The following CDH13 variants were observed in gnomAD, a reference collection of about 807,000 sequenced individuals.
CDH13 encodes the protein cadherin 13.
A neutral mutation model predicts 63.8 loss-of-function variants in CDH13; 24 were observed. The ratio of observed to expected loss-of-function variants is 0.38; its 90% CI spans 0.27 to 0.53. The LOEUF is 0.53. Ranked by LOEUF, CDH13 falls within the 20% of genes least tolerant of loss-of-function variation. The probability of loss-of-function intolerance (pLI) is 0.85; values close to 1 mark genes in which losing one functional copy is unlikely to be tolerated. For missense variants in CDH13, 1,049 were observed against 903.1 expected, an observed-to-expected ratio of 1.16 and a Z score of -2.07; for synonymous variants, 503 against 355.3, an observed-to-expected ratio of 1.42 and a Z score of -4.67.
Position 82,629,490 on chromosome 16 carries a change from C to T in CDH13, c.45+2353C>T, listed in dbSNP as rs566295745. On this transcript the variant is annotated intron_variant, in intron 1 of 13. Coordinates refer to ENST00000567109, the MANE Select transcript of CDH13 (RefSeq NM_001257.5). ...CATAGAAAAAAGTGGGGAAAGTCTT[C>T]GAGGCCTTGAGTCGACGAGCAAAAA... is the stretch of plus-strand genomic sequence containing the variant. Among the ~76,000 whole-genome samples the T allele has an allele frequency of 1.5e-3, 231 of 152,198 alleles. 1 individual carries two copies. Among genetic ancestry groups the T allele is most frequent in the African/African-American group, 4.6e-3 (191 of 41,532 alleles).
intron 8 of CDH13, among the ~76,000 whole-genome samples, chr16:83,620,701 A>T (rs141758880): frequency 3.3e-4 from 50 of 152,294 alleles, no homozygotes; most frequent in Non-Finnish European, 6.3e-4. Flanking sequence ...CTCCACGTAG[A>T]TGAGGAAACT....
chr16:83,176,597 C>T (rs2038135205), intron 4 of CDH13, among the ~76,000 whole-genome samples: 1 of 150,920 alleles, frequency 6.6e-6, no homozygotes, highest in African/African-American at 2.4e-5. Context: ...GGGTCCAGTT[C>T]ATCCCCAATT....
intron 1 of CDH13, among the ~76,000 whole-genome samples, chr16:82,660,437 G>A (rs912492372): frequency 7.2e-6 from 1 of 139,322 alleles, no homozygotes; most frequent in Non-Finnish European, 1.5e-5. Context: ...TGTGCCTGCC[G>A]GGGCGTGCGG....
At chr16:83,441,997 A>G (rs1475585393) in intron 6 of CDH13, among the ~76,000 whole-genome samples, 1 of 152,168 alleles carries the variant, frequency 6.6e-6, no homozygotes, top group African/African-American at 2.4e-5. Flanking sequence ...GATTTGGCCC[A>G]GGTCACACCA....
intron 3 of CDH13, among the ~76,000 whole-genome samples, chr16:83,093,854 C>G (rs1489157349): frequency 6.6e-6 from 1 of 151,966 alleles, no homozygotes; most frequent in Non-Finnish European, 1.5e-5. Context: ...AAGTAAATTC[C>G]CAGAAAGCAC....
intron 3 of CDH13, among the ~76,000 whole-genome samples, chr16:83,104,413 C>T (rs2034660982): frequency 6.6e-6 from 1 of 152,138 alleles, no homozygotes; most frequent in African/African-American, 2.4e-5. Context: ...CGACAAAAAA[C>T]ACAGAGCAGA....
intron 7 of CDH13, among the ~76,000 whole-genome samples, chr16:83,519,465 C>T (rs530547635): frequency 3.9e-5 from 6 of 152,286 alleles, no homozygotes; most frequent in East Asian, 3.9e-4. Context: ...AATTTCATAT[C>T]GCACTTCTAC....
chr16:83,004,222 G>T (rs1913239185), intron 2 of CDH13, among the ~76,000 whole-genome samples: 1 of 152,094 alleles, frequency 6.6e-6, no homozygotes, highest in Non-Finnish European at 1.5e-5. Flanking sequence ...GGGTTTTGTA[G>T]GAGTCAGGGA....
chr16:83,674,087 C>T (rs961025199), intron 9 of CDH13, among the ~76,000 whole-genome samples: 11 of 152,212 alleles, frequency 7.2e-5, no homozygotes, highest in African/African-American at 2.4e-4. Context: ...CTAGGCCATG[C>T]TCTCTGCTGC....
chr16:83,778,520 A>T (rs1251390846), intron 11 of CDH13, among the ~76,000 whole-genome samples: 2 of 104,130 alleles, frequency 1.9e-5, no homozygotes, highest in Non-Finnish European at 4.2e-5. Flanking sequence ...ACAGAGTGAG[A>T]CTCACCAAAA....
At chr16:83,481,287 A>T (rs546955554) in intron 6 of CDH13, among the ~76,000 whole-genome samples, 1 of 152,230 alleles carries the variant, frequency 6.6e-6, no homozygotes, top group Non-Finnish European at 1.5e-5. Flanking sequence ...TTTGTAAAAA[A>T]TGAGCCTGAC....
rs1766193377 is a variant in CDH13 at position 83,800,513 on chromosome 16, T to C, written c.*5483T>C. 1 of 152,248 alleles carries C rather than the reference T, an allele frequency of 6.6e-6. No individual in the cohort carries two copies. 9.4% of individuals were successfully genotyped at this position (152,248 alleles called of 1,614,324 possible). A position where few individuals can be genotyped will look rare whatever the true frequency, so the allele number is the denominator to read the frequency against. On this transcript the variant is annotated 3_prime_UTR_variant, in exon 14 of 14. Transcript: ENST00000567109. ...CAGTCTATGGCAGATGTCGCTCCTT[T>C]GGGCCCTCACTGCTGAATTGCTTAC...
At chr16:83,775,992 A>T (rs1915083800) in intron 11 of CDH13, among the ~76,000 whole-genome samples, 1 of 152,150 alleles carries the variant, frequency 6.6e-6, no homozygotes. Flanking sequence ...TTTCACCTGA[A>T]TTTTGGATGT....
chr16:83,686,375 T>C (rs1904318100), intron 10 of CDH13, among the ~76,000 whole-genome samples: 1 of 152,220 alleles, frequency 6.6e-6, no homozygotes, highest in African/African-American at 2.4e-5. Context: ...TTAAGCACTT[T>C]AGGCACAGGA....
chr16:83,665,172 G>GA lies in CDH13; in HGVS notation c.1102-5608dup, dbSNP rs58451303. ...GTGTGAGTGCCAGGCATACATAACT[G>GA]AAAAAAAAAAGCTTCTTCCACACCA... On this transcript the variant is annotated intron_variant, in intron 8 of 13. Transcript: ENST00000567109. 3.3e-4 allele frequency among the ~76,000 whole-genome samples: 48 copies of GA among 146,366 alleles called. 1 individual carries two copies. In the East Asian group the frequency reaches 6.6e-3, roughly 20 times the overall value.
intron 8 of CDH13, among the ~76,000 whole-genome samples, chr16:83,653,957 T>A (rs552416724): frequency 6.6e-6 from 1 of 151,866 alleles, no homozygotes; most frequent in African/African-American, 2.4e-5. Flanking sequence ...CCTTGGAGAG[T>A]GAAATGAACG....
chr16:82,655,554 T>C (rs1190096787), intron 1 of CDH13, among the ~76,000 whole-genome samples: 1 of 151,864 alleles, frequency 6.6e-6, no homozygotes, highest in Non-Finnish European at 1.5e-5. Context: ...AGGGAGGGTG[T>C]GCGTGTGATG....
At chr16:82,930,285 A>G (rs536555489) in intron 2 of CDH13, among the ~76,000 whole-genome samples, 1 of 152,138 alleles carries the variant, frequency 6.6e-6, no homozygotes, top group South Asian at 2.1e-4. Flanking sequence ...CCTGTTCTTT[A>G]TGTAAATGGA....
rs150587588 is a variant in CDH13 at position 83,771,460 on chromosome 16, C to T, written c.1682-8508C>T. On this transcript the variant is annotated intron_variant, in intron 11 of 13. Coordinates refer to ENST00000567109, the MANE Select transcript of CDH13 (RefSeq NM_001257.5). ...ACAAGTTGTCAGTGCTGAGTGGGAACGACAAAGCCAGAAACAAGGGCAAGC... is the reference window on the plus strand; with the variant it reads ...ACAAGTTGTCAGTGCTGAGTGGGAATGACAAAGCCAGAAACAAGGGCAAGC... 5.0e-3 allele frequency among the ~76,000 whole-genome samples: 768 copies of T among 152,258 alleles called. 3 individuals carry two copies. Among genetic ancestry groups the T allele is most frequent in the Non-Finnish European group, 8.1e-3 (548 of 68,024 alleles).
Sources: allele counts gnomAD v4.1 joint callset (sites outside exome capture counted in the v4.1 genomes callset), GRCh38; gene constraint gnomAD v4.1.1; transcripts MANE v1.5; gene names NCBI Gene and HGNC (gene_info 2026-07-23, HGNC 2026-07-21).